Variants in EFCAB11 observed in about 807,000 individuals in gnomAD.
EFCAB11 encodes the protein EF-hand calcium binding domain 11, also known as EF-hand calcium-binding domain-containing protein 11.
In EFCAB11, 14 loss-of-function variants were observed where a neutral mutation model predicts 23.0. That is an observed-to-expected ratio of 0.61 (90% confidence interval 0.40 to 0.95). The LOEUF is 0.95. EFCAB11 is among the 40% of genes least tolerant of loss of function. EFCAB11 has a pLI of 0.00. For synonymous variants in EFCAB11, 65 were observed against 66.6 expected, an observed-to-expected ratio of 0.98 and a Z score of 0.11; for missense variants, 198 against 195.8, an observed-to-expected ratio of 1.01 and a Z score of -0.07.
At chr14:89,944,478 G>C (rs1890896965) in intron 3 of EFCAB11, among the ~76,000 whole-genome samples, 1 of 152,122 alleles carries the variant, frequency 6.6e-6, no homozygotes, top group South Asian at 2.1e-4. Context: ...TATGACTAGG[G>C]TAAGATCTTC....
intron 5 of EFCAB11, among the ~76,000 whole-genome samples, chr14:89,808,414 A>AT (rs756023178): frequency 2.7e-4 from 41 of 151,774 alleles, no homozygotes; most frequent in African/African-American, 5.1e-4. Context: ...GTGAAGATAG[A>AT]TTTTTTTTTC....
At chr14:89,834,381 A>G (rs1047914203) in intron 5 of EFCAB11, among the ~76,000 whole-genome samples, 4 of 146,678 alleles carry the variant, frequency 2.7e-5, no homozygotes, top group African/African-American at 1.0e-4. Flanking sequence ...GTCTCAAAAA[A>G]AAAAAAAAAA....
At chr14:89,929,030 C>CATAT (rs34339124) in intron 5 of EFCAB11, among the ~76,000 whole-genome samples, 6,924 of 121,216 alleles carry the variant, frequency 0.057, 354 homozygotes, top group African/African-American at 0.12. Flanking sequence ...TAAATACATA[C>CATAT]ATATATATAT....
chr14:89,799,763 G>T (rs548719938), intron 5 of EFCAB11, among the ~76,000 whole-genome samples: 1 of 151,838 alleles, frequency 6.6e-6, no homozygotes, highest in Non-Finnish European at 1.5e-5. Flanking sequence ...GATGAATGTC[G>T]AATGAATGAA....
At chr14:89,936,535 A>G (rs915428277) in intron 3 of EFCAB11, among the ~76,000 whole-genome samples, 2 of 152,204 alleles carry the variant, frequency 1.3e-5, no homozygotes, top group African/African-American at 2.4e-5. Flanking sequence ...CCACACAATC[A>G]TATGCTTTTA....
chr14:89,934,178 A>G (rs1237316841), intron 3 of EFCAB11, among the ~76,000 whole-genome samples: 1 of 152,184 alleles, frequency 6.6e-6, no homozygotes, highest in Non-Finnish European at 1.5e-5. Flanking sequence ...GGGAAGTTAC[A>G]TGATCTTTCT....
In EFCAB11 at chr14:89,934,979, C is replaced by T. The variant is rs914421177; in HGVS notation, c.218-2352G>A. 3.3e-5 allele frequency among the ~76,000 whole-genome samples: 5 copies of T among 152,170 alleles called. 1 individual carries two copies. The highest frequency in any genetic ancestry group is 1.3e-4 in the Admixed American group (2 of 15,274). On this transcript the variant is annotated intron_variant, in intron 3 of 5. Transcript: ENST00000316738. ...GCTTCCCCAAGCCAAGAGGCCCTTT[C>T]GCACTCCACACCTTTGCATGTATAG...
intron 5 of EFCAB11, among the ~76,000 whole-genome samples, chr14:89,833,685 T>A (rs374024823): frequency 1.3e-5 from 2 of 152,224 alleles, no homozygotes; most frequent in East Asian, 1.9e-4. Context: ...GCTATAATGT[T>A]TAATCAAATT....
intron 5 of EFCAB11, among the ~76,000 whole-genome samples, chr14:89,888,067 T>C (rs1352148578): frequency 6.6e-6 from 1 of 152,170 alleles, no homozygotes; most frequent in East Asian, 1.9e-4. Flanking sequence ...ATACGGCCAA[T>C]ACAATGATGA....
chr14:89,920,075 G>A (rs1467866351), intron 5 of EFCAB11, among the ~76,000 whole-genome samples: 1 of 152,090 alleles, frequency 6.6e-6, no homozygotes, highest in Non-Finnish European at 1.5e-5. Context: ...CAATATATTT[G>A]ATTTTTATAA....
At chr14:89,850,344 C>T (rs140532886) in intron 5 of EFCAB11, among the ~76,000 whole-genome samples, 3 of 152,282 alleles carry the variant, frequency 2.0e-5, no homozygotes, top group Non-Finnish European at 4.4e-5. Context: ...CTTGGCATTC[C>T]GAATGTTTCT....
intron 3 of EFCAB11, among the ~76,000 whole-genome samples, chr14:89,944,501 T>A (rs1369482068): frequency 6.6e-6 from 1 of 152,136 alleles, no homozygotes; most frequent in African/African-American, 2.4e-5. Flanking sequence ...CCAGAAAGAA[T>A]AACTCACTGA....
chr14:89,911,434 A>C (rs1325069182), intron 5 of EFCAB11, among the ~76,000 whole-genome samples: 1 of 152,192 alleles, frequency 6.6e-6, no homozygotes, highest in African/African-American at 2.4e-5. Context: ...GCAGACAAAC[A>C]CGAGAACCTT....
Position 89,913,761 on chromosome 14 carries a change from CAG to C in EFCAB11, c.410+17778_410+17779del, listed in dbSNP as rs1889751854. Among the ~76,000 whole-genome samples the C allele has an allele frequency of 2.0e-5, 3 of 152,276 alleles. No individual in the cohort carries two copies. In the South Asian group the frequency reaches 6.2e-4, roughly 32 times the overall value. ...GCTATCAAAAGCTTAATACAACTAT[CAG>C]AGTTTTTCAAAGTTAAAATTTTTTT... On this transcript the variant is annotated intron_variant, in intron 5 of 5. Transcript: ENST00000316738.
rs556806115 is a variant in EFCAB11 at position 89,835,517 on chromosome 14, G to A, written c.411-38193C>T. The stretch of plus-strand genomic sequence containing the variant: ...TCAGGTGTGGAATTTTCCACTTGTG[G>A]CGTCAGATCAGCTCTCATAAAGTTT... On this transcript the variant is annotated intron_variant, in intron 5 of 5. Transcript: ENST00000316738. Among the ~76,000 whole-genome samples the A allele has an allele frequency of 2.0e-5, 3 of 151,418 alleles. No homozygotes were observed. In the South Asian group the frequency reaches 6.3e-4, roughly 32 times the overall value.
intron 5 of EFCAB11, among the ~76,000 whole-genome samples, chr14:89,856,126 G>T (rs1887743572): frequency 6.6e-6 from 1 of 151,328 alleles, no homozygotes; most frequent in African/African-American, 2.4e-5. Flanking sequence ...TTTCCTTTGG[G>T]TATATTCCCA....
intron 5 of EFCAB11, among the ~76,000 whole-genome samples, chr14:89,896,113 C>G (rs59923723): frequency 1.3e-5 from 2 of 152,116 alleles, no homozygotes; most frequent in Non-Finnish European, 2.9e-5. Flanking sequence ...CGGCCGGGCG[C>G]GGTGGCTCAC....
chr14:89,862,723 A>G lies in EFCAB11; in HGVS notation c.411-65399T>C, dbSNP rs77594022. 4.8e-3 allele frequency among the ~76,000 whole-genome samples: 732 copies of G among 152,324 alleles called. 7 individuals carry two copies. The highest frequency in any genetic ancestry group is 0.017 in the African/African-American group (688 of 41,570). On this transcript the variant is annotated intron_variant, in intron 5 of 5. Transcript: ENST00000316738. ...GATCTTGTAAAATTTGAGCATTCAC[A>G]TCATCAAACATGTTAATGTATCATA... is the stretch of plus-strand genomic sequence containing the variant.
At chr14:89,930,187 G>C (rs898533106) in intron 5 of EFCAB11, among the ~76,000 whole-genome samples, 1 of 152,216 alleles carries the variant, frequency 6.6e-6, no homozygotes, top group Non-Finnish European at 1.5e-5. Flanking sequence ...AGCTTGCTCA[G>C]TAGCTTGCTT....
Sources: allele counts gnomAD v4.1 joint callset (sites outside exome capture counted in the v4.1 genomes callset), GRCh38; gene constraint gnomAD v4.1.1; transcripts MANE v1.5; gene names NCBI Gene and HGNC (gene_info 2026-07-23, HGNC 2026-07-21).